SOX6: variants seen among roughly 807,000 people sequenced by gnomAD.
SOX6 encodes the protein transcription factor SOX-6.
Under a neutral mutation model 97.8 loss-of-function variants are expected in SOX6, and 11 were observed. That is an observed-to-expected ratio of 0.11 (90% CI 0.07 to 0.19). The LOEUF (loss-of-function observed/expected upper bound fraction) is 0.19. Ranked by LOEUF, SOX6 falls within the 10% of genes least tolerant of loss-of-function variation. SOX6 has a pLI of 1.00. For missense variants in SOX6, 810 were observed against 1,039.5 expected (o/e 0.78, Z 3.04); for synonymous variants, 360 against 371.4 (o/e 0.97, Z 0.35).
intron 4 of SOX6, among the ~76,000 whole-genome samples, chr11:16,488,429 A>G (rs1043035709): frequency 3.9e-5 from 6 of 152,184 alleles, no homozygotes; most frequent in Admixed American, 6.5e-5. Flanking sequence ...TGGGGATTTG[A>G]TATATGAAAA....
intron 3 of SOX6, among the ~76,000 whole-genome samples, chr11:16,626,522 G>A (rs960624525): frequency 3.9e-5 from 6 of 152,036 alleles, no homozygotes; most frequent in African/African-American, 1.2e-4. Flanking sequence ...TGTTATTTTA[G>A]GACACTTTCA....
chr11:16,630,113 T>G (rs1474804015), intron 3 of SOX6, among the ~76,000 whole-genome samples: 1 of 152,188 alleles, frequency 6.6e-6, no homozygotes, highest in East Asian at 1.9e-4. Context: ...TTTTAATTAT[T>G]TCTTTTCTTC....
intron 3 of SOX6, among the ~76,000 whole-genome samples, chr11:16,674,989 C>T (rs187623230): frequency 2.2e-4 from 34 of 152,100 alleles, no homozygotes; most frequent in African/African-American, 4.1e-4. Flanking sequence ...AAATTGGAAA[C>T]GACTAACTCA....
intron 3 of SOX6, among the ~76,000 whole-genome samples, chr11:16,257,900 A>G (rs1853742357): frequency 6.6e-6 from 1 of 151,988 alleles, no homozygotes; most frequent in Non-Finnish European, 1.5e-5. Context: ...AAAGACCTGA[A>G]CAGACACCAC....
rs1431120189 is a variant in SOX6 at position 16,618,856 on chromosome 11, AAC to A, written n.430-6598_430-6597del. ...AGATGTAATTTACAAAGATAATAAT[AAC>A]ACAGAATTATTTCACTTCTCTGAAT... is the stretch of plus-strand genomic sequence containing the variant. On this transcript the variant is annotated intron_variant and non_coding_transcript_variant, in intron 3 of 5. Coordinates refer to the SOX6 transcript ENST00000524520. Among the ~76,000 whole-genome samples the A allele has an allele frequency of 2.0e-5, 3 of 152,170 alleles. No homozygotes were observed. In the East Asian group the frequency reaches 5.8e-4, roughly 29 times the overall value.
intron 3 of SOX6, among the ~76,000 whole-genome samples, chr11:16,712,007 A>G (rs1848184679): frequency 6.6e-6 from 1 of 152,010 alleles, no homozygotes; most frequent in African/African-American, 2.4e-5. Context: ...TTAGAATAAT[A>G]GTCTCCAATC....
chr11:16,715,258 C>T (rs1241496070), intron 2 of SOX6, among the ~76,000 whole-genome samples: 1 of 152,108 alleles, frequency 6.6e-6, no homozygotes, highest in Admixed American at 6.5e-5. Flanking sequence ...GTAATTTTTA[C>T]AATTACATAT....
At chr11:16,619,506 T>C (rs916534136) in intron 3 of SOX6, among the ~76,000 whole-genome samples, 2 of 152,066 alleles carry the variant, frequency 1.3e-5, no homozygotes, top group Non-Finnish European at 2.9e-5. Context: ...CTTTCATTTT[T>C]ATTCAGCAGG....
chr11:16,426,322 TA>T (rs374521257), intron 1 of SOX6, among the ~76,000 whole-genome samples: 1,285 of 40,634 alleles, frequency 0.032, 32 homozygotes, highest in African/African-American at 0.095. Flanking sequence ...TCATATGGAA[TA>T]AAAAAAAAAG....
chr11:16,346,286 T>C (rs1253016093), intron 1 of SOX6, among the ~76,000 whole-genome samples: 1 of 152,020 alleles, frequency 6.6e-6, no homozygotes, highest in African/African-American at 2.4e-5. Context: ...ATATGTTTAG[T>C]TGCCAAAATG....
intron 1 of SOX6, among the ~76,000 whole-genome samples, chr11:16,347,737 T>C (rs553384921): frequency 1.4e-3 from 206 of 152,222 alleles, no homozygotes; most frequent in Non-Finnish European, 2.7e-3. Context: ...AGAGACAAAG[T>C]GTAGGAAATT....
intron 4 of SOX6, among the ~76,000 whole-genome samples, chr11:16,192,052 C>G (rs369022104): frequency 2.2e-4 from 34 of 152,158 alleles, no homozygotes; most frequent in African/African-American, 7.7e-4. Flanking sequence ...CTTAATAGAG[C>G]CTGTCAGCCC....
chr11:16,125,888 A>C (rs531946277), intron 6 of SOX6, among the ~76,000 whole-genome samples: 1 of 151,296 alleles, frequency 6.6e-6, no homozygotes, highest in Admixed American at 6.6e-5. Flanking sequence ...AGTTTATTTG[A>C]GTGAAGTTAT....
intron 9 of SOX6, among the ~76,000 whole-genome samples, chr11:16,078,791 C>T (rs559361020): frequency 6.6e-6 from 1 of 152,010 alleles, no homozygotes; most frequent in Non-Finnish European, 1.5e-5. Context: ...AAGACCTGAG[C>T]TAAGTGAGAG....
chr11:16,600,603 A>T (rs1282253407), intron 4 of SOX6, among the ~76,000 whole-genome samples: 1 of 152,186 alleles, frequency 6.6e-6, no homozygotes, highest in Non-Finnish European at 1.5e-5. Flanking sequence ...TTCAACTGAT[A>T]TTTCTATCCA....
intron 1 of SOX6, among the ~76,000 whole-genome samples, chr11:16,457,027 A>G (rs1859822713): frequency 6.6e-6 from 1 of 152,116 alleles, no homozygotes; most frequent in Non-Finnish European, 1.5e-5. Context: ...ATTTTTATGC[A>G]CAGAATGAAT....
chr11:16,658,598 C>A (rs2134017824), intron 3 of SOX6, among the ~76,000 whole-genome samples: 1 of 152,082 alleles, frequency 6.6e-6, no homozygotes, highest in Non-Finnish European at 1.5e-5. Context: ...GTCCCAGCTA[C>A]TAGGGAGGCT....
At chr11:16,499,901 T>C (rs1356213506) in intron 4 of SOX6, among the ~76,000 whole-genome samples, 1 of 152,200 alleles carries the variant, frequency 6.6e-6, no homozygotes, top group Non-Finnish European at 1.5e-5. Flanking sequence ...ACTGGTACCA[T>C]TCCTTCTGAA....
chr11:16,310,594 A>G (rs1033246014), intron 3 of SOX6, among the ~76,000 whole-genome samples: 2 of 152,208 alleles, frequency 1.3e-5, no homozygotes, highest in East Asian at 1.9e-4. Flanking sequence ...TTGTATCAGC[A>G]TTGTTCTGAA....
Sources: allele counts gnomAD v4.1 joint callset (sites outside exome capture counted in the v4.1 genomes callset), GRCh38; gene constraint gnomAD v4.1.1; transcripts MANE v1.5; gene names NCBI Gene and HGNC (gene_info 2026-07-23, HGNC 2026-07-21).